SMURF2: variants seen among roughly 807,000 people sequenced by gnomAD.
SMURF2 encodes SMAD specific E3 ubiquitin protein ligase 2.
In SMURF2, 48 loss-of-function variants were observed where a neutral mutation model predicts 109.6. The ratio of observed to expected loss-of-function variants is 0.44; its 90% confidence interval spans 0.35 to 0.56. The LOEUF (loss-of-function observed/expected upper bound fraction) is 0.56. Ranked by LOEUF, SMURF2 falls within the 20% of genes least tolerant of loss-of-function variation. SMURF2 has a pLI of 0.01. For synonymous variants in SMURF2, 288 were observed against 317.1 expected, an observed-to-expected ratio of 0.91 and a Z score of 0.97; for missense variants, 575 against 909.0, an observed-to-expected ratio of 0.63 and a Z score of 4.72.
At chr17:64,556,243 T>C (rs1969118574) in intron 13 of SMURF2, among the ~76,000 whole-genome samples, 1 of 152,124 alleles carries the variant, frequency 6.6e-6, no homozygotes, top group Admixed American at 6.6e-5. Context: ...TTTTATCTTT[T>C]AGAAATTAAG....
chr17:64,659,145 G>GT (rs1970741297), intron 1 of SMURF2, among the ~76,000 whole-genome samples: 1 of 152,154 alleles, frequency 6.6e-6, no homozygotes, highest in Non-Finnish European at 1.5e-5. Flanking sequence ...CAGAGAGAGT[G>GT]TGTATGAGTG....
At chr17:64,599,131 T>G (rs1969858442) in intron 2 of SMURF2, among the ~76,000 whole-genome samples, 1 of 152,212 alleles carries the variant, frequency 6.6e-6, no homozygotes, top group African/African-American at 2.4e-5. Context: ...CTATGTTAGG[T>G]ACTATTCTAA....
At chr17:64,618,870 G>A (rs1970159504) in intron 1 of SMURF2, among the ~76,000 whole-genome samples, 1 of 152,112 alleles carries the variant, frequency 6.6e-6, no homozygotes, top group African/African-American at 2.4e-5. Flanking sequence ...AGTGTGTTAA[G>A]CTATAAGCAC....
chr17:64,566,743 T>C (rs1555685053), intron 10 of SMURF2, among the ~76,000 whole-genome samples: 1 of 150,416 alleles, frequency 6.6e-6, no homozygotes, highest in Non-Finnish European at 1.5e-5. Flanking sequence ...GGCTAATTTT[T>C]GTATTTTTAG....
At chr17:64,655,167 T>A (rs949453860) in intron 1 of SMURF2, among the ~76,000 whole-genome samples, 1 of 151,780 alleles carries the variant, frequency 6.6e-6, no homozygotes, top group African/African-American at 2.4e-5. Context: ...AAACATATCA[T>A]GTTCCTGGGT....
chr17:64,584,579 G>C (rs1555686911), intron 6 of SMURF2, among the ~76,000 whole-genome samples: 1 of 151,766 alleles, frequency 6.6e-6, no homozygotes, highest in African/African-American at 2.4e-5. Flanking sequence ...GGATGCTCTT[G>C]ATCTCTTGAC....
chr17:64,578,215 AT>A (rs1279878182), intron 9 of SMURF2, among the ~76,000 whole-genome samples: 1 of 152,018 alleles, frequency 6.6e-6, no homozygotes, highest in Non-Finnish European at 1.5e-5. Flanking sequence ...AAGTGCTGGG[AT>A]TACAGGCATG....
At chr17:64,598,270 T>C in intron 3 of SMURF2, 112 bp downstream of exon 3, 3 of 929,304 alleles carry the variant, frequency 3.2e-6, no homozygotes, top group Non-Finnish European at 4.6e-6. Flanking sequence ...CCTTTTGTGA[T>C]GACCAAATTA....
At chr17:64,611,816 C>T (rs1970048290) in intron 1 of SMURF2, among the ~76,000 whole-genome samples, 1 of 152,134 alleles carries the variant, frequency 6.6e-6, no homozygotes, top group Non-Finnish European at 1.5e-5. Context: ...TCTTCTGGCC[C>T]AAACTTATAT....
At chr17:64,617,634 C>T (rs534249164) in intron 1 of SMURF2, among the ~76,000 whole-genome samples, 16 of 152,168 alleles carry the variant, frequency 1.1e-4, no homozygotes, top group Non-Finnish European at 1.5e-5. Flanking sequence ...TACAGGCGCA[C>T]ACCACCATGC....
In SMURF2 at chr17:64,625,855, G is replaced by A. The variant is rs140287389; in HGVS notation, c.53-19215C>T. Among the ~76,000 whole-genome samples, 14 of 152,146 alleles carry A rather than the reference G, an allele frequency of 9.2e-5. No homozygotes were observed. The East Asian group carries it at 1.5e-3, about 17-fold the overall frequency. On this transcript the variant is annotated intron_variant, in intron 1 of 18. Coordinates refer to ENST00000262435, the MANE Select transcript of SMURF2 (RefSeq NM_022739.4). ...GGGAATGAGATGGTGATGGTAAAGCGCTCCTTTGAAAATTTAAGAAAAACT... is the reference window on the plus strand; with the variant it reads ...GGGAATGAGATGGTGATGGTAAAGCACTCCTTTGAAAATTTAAGAAAAACT...
intron 9 of SMURF2, 49 bp downstream of exon 9, chr17:64,578,443 G>C (rs1555686243): frequency 8.2e-7 from 1 of 1,222,034 alleles, no homozygotes; most frequent in South Asian, 1.3e-5. Context: ...GAAATCCTAG[G>C]TGAAATGGCT....
At position 64,547,885 on chromosome 17, in the gene SMURF2, T is replaced by C; in HGVS notation, c.1870-84A>G. The stretch of plus-strand genomic sequence containing the variant: ...TCAAAAGAGAACTTTAGGTTTGTAC[T>C]GCTGGCTGTCATTTGGTGGTTCCTA... On this transcript the variant is annotated intron_variant, in intron 16 of 18. Transcript: ENST00000262435. The surrounding 1 kb of genome is among the most constrained non-coding windows in gnomAD (Gnocchi z 4.2). 8.7e-7 allele frequency: 1 copy of C among 1,149,426 alleles called. No individual in the cohort carries two copies. The highest frequency in any genetic ancestry group is 1.3e-6 in the Non-Finnish European group (1 of 774,836). 71.2% of individuals were successfully genotyped at this position (1,149,426 alleles called of 1,614,324 possible).
Position 64,581,693 on chromosome 17 carries a change from C to T in SMURF2, c.570-702G>A, listed in dbSNP as rs1365179346. Among the ~76,000 whole-genome samples the T allele has an allele frequency of 6.6e-6, 1 of 152,008 alleles. No homozygotes were observed. Among genetic ancestry groups the T allele is most frequent in the Non-Finnish European group, 1.5e-5 (1 of 68,014 alleles). ...GGTATGGTGGCTCACACCTGTAATC[C>T]CAGCACTTTGGGAGACCGAAGCGAG... On this transcript the variant is annotated intron_variant, in intron 7 of 18. Transcript: ENST00000262435. This position sits in a 1 kb window ranked among gnomAD's most constrained non-coding sequence, Gnocchi z 4.3.
At chr17:64,656,011 T>C (rs527281064) in intron 1 of SMURF2, among the ~76,000 whole-genome samples, 1 of 152,332 alleles carries the variant, frequency 6.6e-6, no homozygotes, top group South Asian at 2.1e-4. Flanking sequence ...ACTGAAAAGA[T>C]ACTACATCAC....
At chr17:64,608,646 GA>G (rs1456962217) in intron 1 of SMURF2, among the ~76,000 whole-genome samples, 2 of 152,130 alleles carry the variant, frequency 1.3e-5, no homozygotes, top group Admixed American at 1.3e-4. Flanking sequence ...TTCATGAAGT[GA>G]AATGATTTCA....
intron 1 of SMURF2, among the ~76,000 whole-genome samples, chr17:64,643,577 T>TC (rs1409521384): frequency 6.6e-6 from 1 of 152,136 alleles, no homozygotes; most frequent in Non-Finnish European, 1.5e-5. Context: ...AACTACTCTC[T>TC]CCCTTTGCCC....
chr17:64,560,479 A>G (rs544447261), intron 12 of SMURF2, among the ~76,000 whole-genome samples: 1 of 152,314 alleles, frequency 6.6e-6, no homozygotes, highest in Non-Finnish European at 1.5e-5. Context: ...AAATACACAC[A>G]TGTAATGCTA....
chr17:64,569,989 T>C (rs1327065550), intron 10 of SMURF2, among the ~76,000 whole-genome samples: 2 of 152,210 alleles, frequency 1.3e-5, no homozygotes, highest in African/African-American at 2.4e-5. Context: ...ACTTGCGACC[T>C]TCATTTGTAA....
Sources: gnomAD v4.1 joint callset for allele counts (sites outside exome capture counted in the v4.1 genomes callset) on GRCh38, gnomAD v4.1.1 for gene constraint, Gnocchi (gnomAD v3.1) non-coding constraint, MANE v1.5 for transcripts, NCBI Gene and HGNC (gene_info 2026-07-23, HGNC 2026-07-21) for gene names.